The following ANO3 variants were observed in gnomAD, a reference collection of about 807,000 sequenced individuals.
ANO3 encodes anoctamin 3.
ANO3 carries 99 observed loss-of-function variants against 144.8 expected under a neutral mutation model. The ratio of observed to expected loss-of-function variants is 0.68; its 90% confidence interval spans 0.58 to 0.81. The LOEUF (loss-of-function observed/expected upper bound fraction) is 0.81. Among genes scored for constraint, ANO3 ranks in the 30% least tolerant of loss-of-function variants. The probability of loss-of-function intolerance (pLI) is 0.00; values close to 1 mark genes in which losing one functional copy is unlikely to be tolerated. For synonymous variants in ANO3, 414 were observed against 392.6 expected, an observed-to-expected ratio of 1.05 and a Z score of -0.64; for missense variants, 905 against 1,202.2, an observed-to-expected ratio of 0.75 and a Z score of 3.66.
At chr11:26,450,414 G>A (rs1251800037) in intron 3 of ANO3, among the ~76,000 whole-genome samples, 2 of 152,148 alleles carry the variant, frequency 1.3e-5, no homozygotes, top group African/African-American at 2.4e-5. Context: ...AATAGGGCTA[G>A]GGAGAAGCAG....
In ANO3 at chr11:26,478,321, C is replaced by A. The variant is rs146573799; in HGVS notation, c.432+15173C>A. ...TCTTTGCACTAAAACAAGATGAAAA[C>A]AACAAATCACTCTAACCTAGAATAG... On this transcript the variant is annotated intron_variant, in intron 4 of 26. Coordinates refer to ENST00000256737, the MANE Select transcript of ANO3 (RefSeq NM_031418.4). Among the ~76,000 whole-genome samples, 394 of 152,274 alleles carry A rather than the reference C, an allele frequency of 2.6e-3. 6 individuals are homozygous for A. In the South Asian group the frequency reaches 0.03, roughly 11 times the overall value.
chr11:26,540,477 C>A (rs1281828285), intron 10 of ANO3, among the ~76,000 whole-genome samples: 4 of 152,084 alleles, frequency 2.6e-5, no homozygotes, highest in Non-Finnish European at 5.9e-5. Flanking sequence ...AACTAAAGAG[C>A]TTCTTCACAG....
intron 18 of ANO3, among the ~76,000 whole-genome samples, chr11:26,633,708 T>A (rs1020352024): frequency 6.6e-6 from 1 of 152,190 alleles, no homozygotes; most frequent in African/African-American, 2.4e-5. Context: ...TCATCAAGTG[T>A]GAACAGTAGA....
At chr11:26,214,121 G>A (rs990328870) in intron 1 of ANO3, among the ~76,000 whole-genome samples, 2 of 151,908 alleles carry the variant, frequency 1.3e-5, no homozygotes, top group Non-Finnish European at 2.9e-5. Context: ...ATTTTTCCAT[G>A]AGATAAGTGT....
chr11:26,419,824 A>C (rs1175531328), intron 1 of ANO3, among the ~76,000 whole-genome samples: 2 of 152,128 alleles, frequency 1.3e-5, no homozygotes, highest in Admixed American at 1.3e-4. Flanking sequence ...GGTTTTAACT[A>C]TGAAACAATA....
chr11:26,650,877 A>C (rs1853510088), intron 24 of ANO3, among the ~76,000 whole-genome samples: 1 of 152,234 alleles, frequency 6.6e-6, no homozygotes, highest in African/African-American at 2.4e-5. Context: ...ATTGCCAGAC[A>C]AACTATGATT....
intron 4 of ANO3, among the ~76,000 whole-genome samples, chr11:26,488,024 G>C (rs1254191396): frequency 6.6e-6 from 1 of 152,006 alleles, no homozygotes; most frequent in Non-Finnish European, 1.5e-5. Context: ...AAATTAGCTG[G>C]GCGTGGTGGC....
At chr11:26,430,144 C>A (rs770345174) in intron 1 of ANO3, among the ~76,000 whole-genome samples, 1 of 151,434 alleles carries the variant, frequency 6.6e-6, no homozygotes, top group African/African-American at 2.4e-5. Context: ...AACTGTAATC[C>A]CAGCTACTCG....
chr11:26,419,155 G>C (rs952410391), intron 1 of ANO3, among the ~76,000 whole-genome samples: 1 of 152,074 alleles, frequency 6.6e-6, no homozygotes, highest in Non-Finnish European at 1.5e-5. Flanking sequence ...GGCCAGAGCG[G>C]GAGGAAGAGA....
intron 22 of ANO3, 120 bp downstream of exon 22, chr11:26,642,149 A>G: frequency 4.8e-6 from 5 of 1,041,202 alleles, no homozygotes; most frequent in Non-Finnish European, 6.9e-6. Context: ...GCATTCTAAA[A>G]CACGTCTGCA....
chr11:26,409,130 A>T (rs981816317), intron 1 of ANO3, among the ~76,000 whole-genome samples: 1 of 24,390 alleles, frequency 4.1e-5, no homozygotes, highest in African/African-American at 5.8e-5. Context: ...AGTACAATAA[A>T]AAAAAAAAAA....
At chr11:26,408,299 C>G (rs1857342043) in intron 1 of ANO3, among the ~76,000 whole-genome samples, 1 of 151,462 alleles carries the variant, frequency 6.6e-6, no homozygotes, top group South Asian at 2.1e-4. Flanking sequence ...ACAACCCCAT[C>G]AAAAAGTGGG....
chr11:26,195,943 G>A (rs186948070), intron 1 of ANO3, among the ~76,000 whole-genome samples: 13 of 152,292 alleles, frequency 8.5e-5, no homozygotes, highest in Middle Eastern at 3.4e-3. Context: ...AAGGGGCCTA[G>A]AATACACATT....
At chr11:26,615,813 A>C (rs911047927) in intron 17 of ANO3, among the ~76,000 whole-genome samples, 1 of 152,298 alleles carries the variant, frequency 6.6e-6, no homozygotes, top group South Asian at 2.1e-4. Context: ...GAAAACAATA[A>C]CAACCTTTTC....
At chr11:26,431,994 A>C (rs1213940938) in intron 1 of ANO3, among the ~76,000 whole-genome samples, 1 of 152,166 alleles carries the variant, frequency 6.6e-6, no homozygotes, top group Non-Finnish European at 1.5e-5. Context: ...TGCTTTTCAC[A>C]GTGGTTGAAC....
intron 24 of ANO3, among the ~76,000 whole-genome samples, chr11:26,648,241 G>T (rs1349914763): frequency 6.6e-6 from 1 of 152,102 alleles, no homozygotes; most frequent in South Asian, 2.1e-4. Flanking sequence ...GCTGAATGGA[G>T]CAGTGCTAGT....
chr11:26,364,636 G>C, intron 1 of ANO3, among the ~76,000 whole-genome samples: 1 of 152,004 alleles, frequency 6.6e-6, no homozygotes, highest in Admixed American at 6.6e-5. Context: ...AGAGAGAGTG[G>C]GGGTGGAGGT....
chr11:26,293,537 A>G (rs367755735), intron 1 of ANO3, among the ~76,000 whole-genome samples: 2 of 58,778 alleles, frequency 3.4e-5, no homozygotes, highest in Admixed American at 1.8e-4. Context: ...TTCCATGTAT[A>G]TATATATATA....
chr11:26,624,862 A>G (rs546613550), intron 18 of ANO3, among the ~76,000 whole-genome samples: 1 of 152,256 alleles, frequency 6.6e-6, no homozygotes, highest in Admixed American at 6.5e-5. Flanking sequence ...TACAATGAAA[A>G]CCAGTACTTT....
Sources: gnomAD v4.1 joint callset for allele counts (sites outside exome capture counted in the v4.1 genomes callset) on GRCh38, gnomAD v4.1.1 for gene constraint, MANE v1.5 for transcripts, NCBI Gene and HGNC (gene_info 2026-07-23, HGNC 2026-07-21) for gene names.